DPP6: variants seen among roughly 807,000 people sequenced by gnomAD.
The protein encoded by DPP6 is dipeptidyl peptidase like 6.
DPP6 carries 69 observed loss-of-function variants against 122.6 expected under a neutral mutation model. The ratio of observed to expected loss-of-function variants is 0.56; its 90% CI spans 0.46 to 0.69. DPP6 has a LOEUF of 0.69. Among genes scored for constraint, DPP6 ranks in the 30% least tolerant of loss-of-function variants. The pLI is 0.00. For synonymous variants in DPP6, 418 were observed against 433.1 expected (o/e 0.97, Z 0.43); for missense variants, 928 against 1,116.9 (o/e 0.83, Z 2.41).
Position 154,151,686 on chromosome 7 carries a change from T to C in DPP6, c.243+98623T>C, listed in dbSNP as rs1389127056. On this transcript the variant is annotated intron_variant, in intron 1 of 25. Coordinates refer to ENST00000377770, the MANE Select transcript of DPP6 (RefSeq NM_130797.4). ...TACAGTGCGTGCGTGCACTTCCAGA[T>C]GGCATTCGACTGCAGCTGGTCTCCA... Among the ~76,000 whole-genome samples, 5 of 152,106 alleles carry C rather than the reference T, an allele frequency of 3.3e-5. No homozygotes were observed. In the East Asian group the frequency reaches 9.8e-4, roughly 30 times the overall value.
chr7:153,979,215 T>TTCCTTGAGAAGTGGTTTGTAGTTC (rs1796456221), intron 1 of DPP6, among the ~76,000 whole-genome samples: 1 of 152,178 alleles, frequency 6.6e-6, no homozygotes, highest in African/African-American at 2.4e-5. Context: ...CCTCTCTTAT[T>TTCCTTGAGAAGTGGTTTGTAGTTC]TCCTTGAGAA....
chr7:154,042,495 T>A (rs55656654), intron 1 of DPP6, among the ~76,000 whole-genome samples: 3 of 152,068 alleles, frequency 2.0e-5, no homozygotes, highest in East Asian at 1.9e-4. Flanking sequence ...CAAGCTTTTC[T>A]CAGTGTTCGG....
At chr7:154,203,827 C>T (rs952692096) in intron 1 of DPP6, among the ~76,000 whole-genome samples, 1 of 152,320 alleles carries the variant, frequency 6.6e-6, no homozygotes, top group Non-Finnish European at 1.5e-5. Context: ...CCCCGTTTCC[C>T]TCCTCAAGTC....
At chr7:154,398,631 C>T (rs972901762) in intron 1 of DPP6, among the ~76,000 whole-genome samples, 3 of 150,810 alleles carry the variant, frequency 2.0e-5, no homozygotes, top group Admixed American at 2.0e-4. Context: ...TCTCTCTCTC[C>T]TGGTTATGCT....
intron 3 of DPP6, among the ~76,000 whole-genome samples, chr7:154,494,131 A>G (rs1228444411): frequency 6.6e-6 from 1 of 152,212 alleles, no homozygotes; most frequent in Non-Finnish European, 1.5e-5. Context: ...AAGCCGAAAC[A>G]TCGCTTAAAC....
At chr7:154,551,623 C>A (rs1829643599) in intron 4 of DPP6, among the ~76,000 whole-genome samples, 1 of 151,996 alleles carries the variant, frequency 6.6e-6, no homozygotes, top group Non-Finnish European at 1.5e-5. Context: ...TAGAAAAAAA[C>A]TTGTTGGATC....
intron 1 of DPP6, among the ~76,000 whole-genome samples, chr7:154,235,145 C>T (rs142434803): frequency 2.6e-3 from 393 of 152,318 alleles, no homozygotes; most frequent in African/African-American, 9.1e-3. Flanking sequence ...TTTTATCACC[C>T]CCGAAGGAAA....
chr7:154,333,246 C>T (rs1197119589), intron 1 of DPP6, among the ~76,000 whole-genome samples: 1 of 147,450 alleles, frequency 6.8e-6, no homozygotes, highest in East Asian at 1.9e-4. Flanking sequence ...ATACATATTT[C>T]TCAGGGCTTT....
At chr7:154,093,731 A>T (rs1194739452) in intron 1 of DPP6, 1 of 151,748 alleles carries the variant, frequency 6.6e-6, no homozygotes, top group Non-Finnish European at 1.5e-5. Context: ...ACTTCTTTCC[A>T]CTTGGTAGTC....
chr7:154,049,266 G>A (rs1441134110), upstream of DPP6, among the ~76,000 whole-genome samples: 2 of 122,138 alleles, frequency 1.6e-5, no homozygotes, highest in Admixed American at 8.0e-5. Flanking sequence ...ATGCCCATTG[G>A]GTACTTTTGC....
chr7:154,506,960 A>G (rs1825713857), intron 3 of DPP6, among the ~76,000 whole-genome samples: 1 of 152,212 alleles, frequency 6.6e-6, no homozygotes, highest in Non-Finnish European at 1.5e-5. Flanking sequence ...AAGTTTTCCG[A>G]GAGCCTGGAA....
chr7:154,336,512 T>A (rs1044468364), intron 1 of DPP6, among the ~76,000 whole-genome samples: 2 of 152,168 alleles, frequency 1.3e-5, no homozygotes, highest in Non-Finnish European at 2.9e-5. Flanking sequence ...GCAACACTGG[T>A]ACCATAGGAC....
chr7:153,784,133 A>G, the DPP6 span, among the ~76,000 whole-genome samples: 3 of 152,220 alleles, frequency 2.0e-5, no homozygotes, highest in East Asian at 5.8e-4. Flanking sequence ...GGAGTTTTCC[A>G]TTTCTTGTTG....
chr7:154,060,250 G>A (rs1157475004), intron 1 of DPP6, among the ~76,000 whole-genome samples: 1 of 133,956 alleles, frequency 7.5e-6, no homozygotes, highest in Admixed American at 7.2e-5. Flanking sequence ...CATCGCTGGG[G>A]GCGGAGGCAC....
At chr7:154,132,433 C>T (rs930183058) in intron 1 of DPP6, among the ~76,000 whole-genome samples, 1 of 152,106 alleles carries the variant, frequency 6.6e-6, no homozygotes, top group African/African-American at 2.4e-5. Flanking sequence ...GCTCATGCTG[C>T]AAGCTGCCAA....
chr7:154,426,812 A>C lies in DPP6; in HGVS notation c.244-19402A>C, dbSNP rs1489318094. ...AAGTTATTTGGTACTCTGCCTTAAAAAAAAAAAAAAAAAAAAAAACTGAGC... is the reference window on the plus strand; with the variant it reads ...AAGTTATTTGGTACTCTGCCTTAAACAAAAAAAAAAAAAAAAAAACTGAGC... On this transcript the variant is annotated intron_variant, in intron 1 of 25. Transcript: ENST00000377770. 2.9e-5 allele frequency among the ~76,000 whole-genome samples: 4 copies of C among 139,134 alleles called. No individual in the cohort carries two copies. The East Asian group carries it at 6.1e-4, about 21-fold the overall frequency. 91.3% of individuals were successfully genotyped at this position (139,134 alleles called of 152,430 possible).
At chr7:154,520,623 G>T (rs1826896272) in intron 3 of DPP6, among the ~76,000 whole-genome samples, 1 of 152,228 alleles carries the variant, frequency 6.6e-6, no homozygotes, top group Non-Finnish European at 1.5e-5. Flanking sequence ...CTAGTAGGAG[G>T]TGATTTTTCT....
At chr7:154,016,602 A>C (rs1245142014) in intron 1 of DPP6, among the ~76,000 whole-genome samples, 1 of 152,068 alleles carries the variant, frequency 6.6e-6, no homozygotes, top group Admixed American at 6.6e-5. Context: ...AAGTCTACAA[A>C]GGTTTTTGGA....
chr7:154,015,687 A>G (rs545144595), intron 1 of DPP6, among the ~76,000 whole-genome samples: 4 of 151,958 alleles, frequency 2.6e-5, no homozygotes, highest in Non-Finnish European at 5.9e-5. Context: ...CATCGATCCC[A>G]TCTCCAAAAT....
Sources: gnomAD v4.1 joint callset for allele counts (sites outside exome capture counted in the v4.1 genomes callset) on GRCh38, gnomAD v4.1.1 for gene constraint, MANE v1.5 for transcripts, NCBI Gene and HGNC (gene_info 2026-07-23, HGNC 2026-07-21) for gene names.